AKT1: variants seen among roughly 807,000 people sequenced by gnomAD.
AKT1 encodes RAC-alpha serine/threonine-protein kinase.
A neutral mutation model predicts 63.1 loss-of-function variants in AKT1; 21 were observed. The ratio of observed to expected loss-of-function variants is 0.33; its 90% confidence interval spans 0.24 to 0.48. The LOEUF (loss-of-function observed/expected upper bound fraction) is 0.48. AKT1 is among the 20% of genes least tolerant of loss of function. The probability of loss-of-function intolerance (pLI) is 0.99; values close to 1 mark genes in which losing one functional copy is unlikely to be tolerated. For missense variants in AKT1, 382 were observed against 666.0 expected (o/e 0.57, Z 4.69); for synonymous variants, 257 against 253.1 (o/e 1.02, Z -0.15).
chr14:104,773,237 G>A lies in AKT1; in HGVS notation c.957+14C>T, dbSNP rs747781896. 5.0e-6 allele frequency: 8 copies of A among 1,614,162 alleles called. No homozygotes were observed. Among genetic ancestry groups the A allele is most frequent in the South Asian group, 1.1e-5 (1 of 91,084 alleles). The stretch of plus-strand genomic sequence containing the variant: ...GGACGCAGCAACGCGTATGCACGCA[G>A]GTGGGGCGCACACCTCGGGGGCCAG... On this transcript the variant is annotated intron_variant, in intron 11 of 14. Coordinates refer to ENST00000649815, the MANE Select transcript of AKT1 (RefSeq NM_001382430.1).
chr14:104,787,582 C>T (rs983775959), intron 3 of AKT1, among the ~76,000 whole-genome samples: 1 of 152,240 alleles, frequency 6.6e-6, no homozygotes, highest in Non-Finnish European at 1.5e-5. Flanking sequence ...CGCTCAGCCT[C>T]GTGCAGGACT....
rs1892288607 is a variant in AKT1 at position 104,770,072 on chromosome 14, C to T, written c.*269G>A. ...TGCAGAAGTCCTTAACATTTCCCTA[C>T]GTGAATCGGATTGTTCTGAGGGCTG... On this transcript the variant is annotated 3_prime_UTR_variant, in exon 15 of 15. Transcript: ENST00000649815. 18 of 549,304 alleles carry T rather than the reference C, an allele frequency of 3.3e-5. No homozygotes were observed. The East Asian group carries it at 4.0e-4, about 12-fold the overall frequency. The allele number at this position is 549,304 out of a possible 1,614,324, so 34.0% of individuals were successfully genotyped here. A position where few individuals can be genotyped will look rare whatever the true frequency, so the allele number is the denominator to read the frequency against.
chr14:104,780,480 G>A (rs983146388), intron 3 of AKT1, among the ~76,000 whole-genome samples: 6 of 152,178 alleles, frequency 3.9e-5, no homozygotes, highest in Non-Finnish European at 8.8e-5. Context: ...CCAGCTGGAC[G>A]CAGGGGATGG....
Position 104,775,657 on chromosome 14 carries a change from G to A in AKT1, c.430C>T (p.Arg144Cys), listed in dbSNP as rs375990114. The A allele has an allele frequency of 2.4e-5, 38 of 1,613,706 alleles. No individual in the cohort carries two copies. The highest frequency in any genetic ancestry group is 8.8e-5 in the South Asian group (8 of 91,086). ...GAAGTGGGGACAGGCCTCACCACGC[G>A]GTGCTTGGGCTTGGCCAGGGACACC... Reference protein sequence around the residue: ...MEVSLAKPKHRVTMNEFEYLK... With the variant: ...MEVSLAKPKHCVTMNEFEYLK... The change falls in exon 6 of 15, where the codon CGC becomes TGC. Residue 144 changes from arginine to cysteine, a missense_variant. Physicochemically the swap from Arg to Cys is radical, Grantham distance 180. Transcript: ENST00000649815.
intron 4 of AKT1, chr14:104,777,108 T>C: frequency 3.5e-6 from 1 of 285,390 alleles, no homozygotes. Context: ...GGTATGGAGA[T>C]CCCACAGAGG....
chr14:104,795,410 C>G lies in AKT1; in HGVS notation c.-258+74G>C, dbSNP rs953648680. ...GCCGCGGCTCGCGCCCCGGCCCGACCGGCCGCGAACAAAGCGGCCCGGCCC... is the reference window on the plus strand; with the variant it reads ...GCCGCGGCTCGCGCCCCGGCCCGACGGGCCGCGAACAAAGCGGCCCGGCCC... On this transcript the variant is annotated intron_variant, in intron 1 of 14. Coordinates refer to ENST00000649815, the MANE Select transcript of AKT1 (RefSeq NM_001382430.1). The surrounding 1 kb of genome is among the most constrained non-coding windows in gnomAD (Gnocchi z 5.1). 6.8e-6 allele frequency: 1 copy of G among 147,896 alleles called. No individual in the cohort carries two copies. The highest frequency in any genetic ancestry group is 1.5e-5 in the Non-Finnish European group (1 of 66,328). 9.2% of individuals were successfully genotyped at this position (147,896 alleles called of 1,614,324 possible).
At chr14:104,771,550 C>T in intron 13 of AKT1, 1 of 232,532 alleles carries the variant, frequency 4.3e-6, no homozygotes, top group Non-Finnish European at 8.5e-6. Flanking sequence ...GAGGGCAGGG[C>T]AGGAGGGTGG....
intron 12 of AKT1, among the ~76,000 whole-genome samples, 178 bp from the exon 13 acceptor site, chr14:104,772,630 G>A (rs1055880177): frequency 2.6e-5 from 4 of 152,212 alleles, no homozygotes; most frequent in South Asian, 4.1e-4. Context: ...CAGAGCTCAC[G>A]GCAGGGCAGG....
rs112117625 is a variant in AKT1 at position 104,772,364 on chromosome 14, C to G, written c.1260+1G>C. On this transcript the variant is annotated splice_donor_variant, in intron 13 of 14. Coordinates refer to ENST00000649815, the MANE Select transcript of AKT1 (RefSeq NM_001382430.1). LOFTEE classifies it high-confidence loss of function. Reference sequence around the variant, plus strand: ...CGTGAATATGCGGGGAGCAGCCGCACCTTCTTCTCGTACACGTGCTGCCAC... The same window carrying G: ...CGTGAATATGCGGGGAGCAGCCGCAGCTTCTTCTCGTACACGTGCTGCCAC... The G allele has an allele frequency of 1.2e-6, 2 of 1,613,838 alleles. No individual in the cohort carries two copies. The highest frequency in any genetic ancestry group is 1.7e-6 in the Non-Finnish European group (2 of 1,179,994).
chr14:104,787,871 T>C lies in AKT1; in HGVS notation c.46+4727A>G, dbSNP rs539770629. Among the ~76,000 whole-genome samples, 15 of 152,342 alleles carry C rather than the reference T, an allele frequency of 9.8e-5. No homozygotes were observed. The South Asian group carries it at 3.1e-3, about 32-fold the overall frequency. Reference sequence around the variant, plus strand: ...GCCAGCAGTGACCCCTCACCCCCACTCAAGGCCACCTCGGCTTCCTCTTTT... The same window carrying C: ...GCCAGCAGTGACCCCTCACCCCCACCCAAGGCCACCTCGGCTTCCTCTTTT... On this transcript the variant is annotated intron_variant, in intron 3 of 14. Transcript: ENST00000649815.
At chr14:104,787,686 C>T (rs1422802913) in intron 3 of AKT1, among the ~76,000 whole-genome samples, 1 of 152,238 alleles carries the variant, frequency 6.6e-6, no homozygotes, top group Non-Finnish European at 1.5e-5. Flanking sequence ...TCATTCCACC[C>T]ACATTCTGTC....
chr14:104,786,374 C>T (rs888593574), intron 3 of AKT1: 3 of 152,252 alleles, frequency 2.0e-5, no homozygotes, highest in Admixed American at 6.5e-5. Context: ...CAGTGTCCCA[C>T]GTGTAGACAC....
At chr14:104,792,828 G>A (rs868790159) in intron 2 of AKT1, 106 bp from the exon 3 acceptor site, 19 of 673,886 alleles carry the variant, frequency 2.8e-5, no homozygotes, top group Middle Eastern at 6.0e-4. Flanking sequence ...GGCTCCACCC[G>A]CACCTGCCTT....
chr14:104,782,594 C>T (rs938332025), intron 3 of AKT1, among the ~76,000 whole-genome samples: 5 of 152,138 alleles, frequency 3.3e-5, no homozygotes, highest in Admixed American at 6.5e-5. Flanking sequence ...TGCCCAGCCC[C>T]GAGCATTCCT....
chr14:104,778,910 A>G (rs984821588), intron 4 of AKT1, among the ~76,000 whole-genome samples: 6 of 152,198 alleles, frequency 3.9e-5, no homozygotes, highest in Admixed American at 3.3e-4. Flanking sequence ...GACCTGCCTG[A>G]GACAGATCCC....
intron 3 of AKT1, among the ~76,000 whole-genome samples, chr14:104,785,104 C>T (rs1015484077): frequency 6.6e-6 from 1 of 152,170 alleles, no homozygotes; most frequent in Non-Finnish European, 1.5e-5. Context: ...TCCCCACTGC[C>T]GACACATCCA....
intron 3 of AKT1, among the ~76,000 whole-genome samples, chr14:104,782,622 G>A (rs373762536): frequency 7.2e-5 from 11 of 152,262 alleles, no homozygotes; most frequent in Admixed American, 5.9e-4. Flanking sequence ...CCTGGGATGG[G>A]CAGAGGCCCA....
intron 5 of AKT1, chr14:104,776,386 A>G: frequency 2.8e-6 from 1 of 362,490 alleles, no homozygotes; most frequent in Non-Finnish European, 5.1e-6. Flanking sequence ...GTCTCAAGTG[A>G]TCTGCGCACC....
chr14:104,769,829 T>C lies in AKT1; in HGVS notation c.*512A>G, dbSNP rs1892275927. ...GACGTCCTCAGAGACACGGCCTTAGTGCTGGGGGGCTGCTGTGTGCCTGCC... is the reference window on the plus strand; with the variant it reads ...GACGTCCTCAGAGACACGGCCTTAGCGCTGGGGGGCTGCTGTGTGCCTGCC... On this transcript the variant is annotated 3_prime_UTR_variant, in exon 15 of 15. Coordinates refer to ENST00000649815, the MANE Select transcript of AKT1 (RefSeq NM_001382430.1). The C allele has an allele frequency of 5.1e-6, 2 of 392,546 alleles. No homozygotes were observed. The highest frequency in any genetic ancestry group is 2.4e-5 in the South Asian group (1 of 41,640). 24.3% of individuals were successfully genotyped at this position (392,546 alleles called of 1,614,324 possible). A position where few individuals can be genotyped will look rare whatever the true frequency, so the allele number is the denominator to read the frequency against.
Sources: gnomAD v4.1 joint callset for allele counts (sites outside exome capture counted in the v4.1 genomes callset) on GRCh38, gnomAD v4.1.1 for gene constraint, Gnocchi (gnomAD v3.1) non-coding constraint, MANE v1.5 for transcripts, NCBI Gene and HGNC (gene_info 2026-07-23, HGNC 2026-07-21) for gene names.